Variants in SDCCAG8 observed in about 807,000 individuals in gnomAD.
SDCCAG8 encodes serologically defined colon cancer antigen 8.
SDCCAG8 carries 74 observed loss-of-function variants against 101.8 expected under a neutral mutation model. The observed-to-expected ratio is 0.73, with a 90% confidence interval of 0.60 to 0.88. The LOEUF (loss-of-function observed/expected upper bound fraction) is 0.88. SDCCAG8 is among the 40% of genes least tolerant of loss of function. The pLI, the probability that SDCCAG8 is intolerant of heterozygous loss-of-function variation, is 0.00. For synonymous variants in SDCCAG8, 281 were observed against 292.9 expected (o/e 0.96, Z 0.41); for missense variants, 787 against 822.6 (o/e 0.96, Z 0.53).
chr1:243,488,105 C>G (rs1665437092), intron 16 of SDCCAG8: 1 of 152,262 alleles, frequency 6.6e-6, no homozygotes. Context: ...GTAAAGGAAC[C>G]TATCCCAACC....
intron 17 of SDCCAG8, among the ~76,000 whole-genome samples, chr1:243,493,020 T>TTA (rs1666940605): frequency 6.6e-6 from 1 of 152,210 alleles, no homozygotes; most frequent in African/African-American, 2.4e-5. Flanking sequence ...GAAATGGCTC[T>TTA]TACTTGTCCT....
intron 16 of SDCCAG8, among the ~76,000 whole-genome samples, chr1:243,439,539 C>T (rs941087257): frequency 1.3e-5 from 2 of 151,458 alleles, no homozygotes; most frequent in Admixed American, 6.6e-5. Context: ...GCAGGAGAAA[C>T]GCTTGAAGCC....
At chr1:243,412,874 T>C (rs1282966179) in intron 13 of SDCCAG8, among the ~76,000 whole-genome samples, 1 of 151,714 alleles carries the variant, frequency 6.6e-6, no homozygotes, top group Non-Finnish European at 1.5e-5. Context: ...AGTGAGAGGG[T>C]TTGATGAAAC....
intron 1 of SDCCAG8, among the ~76,000 whole-genome samples, chr1:243,262,480 T>C (rs1382396519): frequency 1.3e-5 from 2 of 152,178 alleles, no homozygotes; most frequent in Non-Finnish European, 2.9e-5. Flanking sequence ...CAATCTCAAT[T>C]TTTCTTTCCT....
intron 13 of SDCCAG8, among the ~76,000 whole-genome samples, chr1:243,382,432 A>T (rs1428856161): frequency 6.6e-6 from 1 of 152,180 alleles, no homozygotes; most frequent in Non-Finnish European, 1.5e-5. Flanking sequence ...AAAAAAGGGG[A>T]AACAATATTT....
intron 5 of SDCCAG8, among the ~76,000 whole-genome samples, chr1:243,289,971 A>G (rs569906085): frequency 1.3e-5 from 2 of 152,126 alleles, no homozygotes; most frequent in Non-Finnish European, 2.9e-5. Flanking sequence ...AGCCATTCAA[A>G]GTATATTTCA....
intron 16 of SDCCAG8, among the ~76,000 whole-genome samples, chr1:243,441,150 C>A (rs539880454): frequency 7.7e-4 from 117 of 152,246 alleles, no homozygotes; most frequent in African/African-American, 2.0e-3. Flanking sequence ...TTGAGTCACT[C>A]TTTTCCAACA....
intron 12 of SDCCAG8, among the ~76,000 whole-genome samples, chr1:243,367,876 A>G (rs2077070333): frequency 6.6e-6 from 1 of 151,732 alleles, no homozygotes; most frequent in South Asian, 2.1e-4. Context: ...TTCTTTCATT[A>G]AATTGGAATG....
chr1:243,417,505 T>C (rs962058389), intron 14 of SDCCAG8, among the ~76,000 whole-genome samples: 4 of 152,150 alleles, frequency 2.6e-5, no homozygotes, highest in Non-Finnish European at 2.9e-5. Context: ...GGGGTGGTGG[T>C]GGTAGTAAAC....
chr1:243,376,456 C>T (rs918776346), intron 12 of SDCCAG8, among the ~76,000 whole-genome samples: 13 of 152,098 alleles, frequency 8.5e-5, no homozygotes, highest in South Asian at 2.1e-4. Context: ...GTTTTGGCAA[C>T]GCAACCCTTG....
chr1:243,360,155 T>A (rs931567787), intron 12 of SDCCAG8, among the ~76,000 whole-genome samples: 4 of 148,818 alleles, frequency 2.7e-5, no homozygotes, highest in Non-Finnish European at 4.5e-5. Context: ...TTTTTTTTTT[T>A]TTTTTTTTGA....
At chr1:243,375,846 C>T (rs900642326) in intron 12 of SDCCAG8, among the ~76,000 whole-genome samples, 2 of 152,106 alleles carry the variant, frequency 1.3e-5, no homozygotes, top group African/African-American at 4.8e-5. Context: ...TCTCTTCTAA[C>T]GGTTGGACTT....
chr1:243,485,039 A>T (rs1224394549), intron 16 of SDCCAG8, among the ~76,000 whole-genome samples: 4 of 137,300 alleles, frequency 2.9e-5, no homozygotes, highest in Non-Finnish European at 6.2e-5. Context: ...GCAAGACTCC[A>T]TCTCAAAAAA....
intron 9 of SDCCAG8, among the ~76,000 whole-genome samples, chr1:243,327,954 G>T (rs2074311343): frequency 6.6e-6 from 1 of 152,208 alleles, no homozygotes; most frequent in African/African-American, 2.4e-5. Flanking sequence ...CCAGGCTGTA[G>T]TGCAGTGGTG....
At chr1:243,489,365 G>A (rs956163489) in intron 17 of SDCCAG8, among the ~76,000 whole-genome samples, 1 of 152,214 alleles carries the variant, frequency 6.6e-6, no homozygotes, top group Non-Finnish European at 1.5e-5. Context: ...AACAGACCCC[G>A]GCCCGCGAAT....
chr1:243,499,890 C>T lies in SDCCAG8; in HGVS notation c.*105C>T, dbSNP rs888521002. 1.0e-5 allele frequency: 11 copies of T among 1,089,290 alleles called. No homozygotes were observed. Among genetic ancestry groups the T allele is most frequent in the South Asian group, 2.6e-5 (2 of 77,532 alleles). The allele number at this position is 1,089,290 out of a possible 1,614,324, so 67.5% of individuals were successfully genotyped here. ...GCACCACGACCTTCCCAGGGTGACA[C>T]CGCCTCAGCCTGCAGTGGGGCTGGT... On this transcript the variant is annotated 3_prime_UTR_variant, in exon 18 of 18. Coordinates refer to ENST00000366541, the MANE Select transcript of SDCCAG8 (RefSeq NM_006642.5).
chr1:243,459,119 C>T (rs1417721126), intron 16 of SDCCAG8, among the ~76,000 whole-genome samples: 1 of 152,086 alleles, frequency 6.6e-6, no homozygotes, highest in Non-Finnish European at 1.5e-5. Context: ...CTTTCCTTCC[C>T]ATAATGAAAA....
intron 5 of SDCCAG8, among the ~76,000 whole-genome samples, chr1:243,288,732 G>A (rs1353080116): frequency 6.6e-6 from 1 of 152,146 alleles, no homozygotes; most frequent in Non-Finnish European, 1.5e-5. Flanking sequence ...GAGGTGGCCA[G>A]GCGCAGTGGC....
intron 12 of SDCCAG8, among the ~76,000 whole-genome samples, chr1:243,362,609 C>A (rs563834909): frequency 6.6e-6 from 1 of 152,188 alleles, no homozygotes; most frequent in East Asian, 1.9e-4. Context: ...AATAATTGCT[C>A]AATACACACT....
Sources: allele counts gnomAD v4.1 joint callset (sites outside exome capture counted in the v4.1 genomes callset), GRCh38; gene constraint gnomAD v4.1.1; transcripts MANE v1.5; gene names NCBI Gene and HGNC (gene_info 2026-07-23, HGNC 2026-07-21).